Variants in KIAA0319L observed in about 807,000 individuals in gnomAD.
KIAA0319L encodes KIAA0319 like, also known as dyslexia-associated protein KIAA0319-like protein.
Under a neutral mutation model 120.1 loss-of-function variants are expected in KIAA0319L, and 55 were observed. The observed-to-expected ratio is 0.46, with a 90% confidence interval of 0.37 to 0.57. The LOEUF (loss-of-function observed/expected upper bound fraction) is 0.57. Among genes scored for constraint, KIAA0319L ranks in the 20% least tolerant of loss-of-function variants. The pLI, the probability that KIAA0319L is intolerant of heterozygous loss-of-function variation, is 0.00. For synonymous variants in KIAA0319L, 398 were observed against 471.9 expected, an observed-to-expected ratio of 0.84 and a Z score of 2.03; for missense variants, 1,049 against 1,255.3, an observed-to-expected ratio of 0.84 and a Z score of 2.48.
In KIAA0319L at chr1:35,504,833, C is replaced by A. The variant is rs564046327; in HGVS notation, c.666+1779G>T. ...GATAAAAACCAGTATTTTAATAAGGCCTCAAGGTTCTGCATACCTCTCAAG... is the reference window on the plus strand; with the variant it reads ...GATAAAAACCAGTATTTTAATAAGGACTCAAGGTTCTGCATACCTCTCAAG... On this transcript the variant is annotated intron_variant, in intron 3 of 20. Coordinates refer to ENST00000325722, the MANE Select transcript of KIAA0319L (RefSeq NM_024874.5). 9.2e-5 allele frequency among the ~76,000 whole-genome samples: 14 copies of A among 152,294 alleles called. 1 individual carries two copies. The South Asian group carries it at 2.7e-3, about 29-fold the overall frequency.
At chr1:35,443,705 T>C (rs921097832) in intron 17 of KIAA0319L, among the ~76,000 whole-genome samples, 3 of 151,234 alleles carry the variant, frequency 2.0e-5, no homozygotes, top group Admixed American at 6.6e-5. Flanking sequence ...AATAAATAAA[T>C]AAGCATTAAA....
At chr1:35,457,753 T>A (rs1642586895) in intron 9 of KIAA0319L, among the ~76,000 whole-genome samples, 1 of 152,330 alleles carries the variant, frequency 6.6e-6, no homozygotes, top group African/African-American at 2.4e-5. Context: ...GGTTTTATCC[T>A]GCAGTCTCAC....
At chr1:35,525,420 T>C (rs961679967) in intron 2 of KIAA0319L, among the ~76,000 whole-genome samples, 1 of 152,192 alleles carries the variant, frequency 6.6e-6, no homozygotes, top group African/African-American at 2.4e-5. Context: ...TTAAGAAATC[T>C]CCATACTGTT....
intron 3 of KIAA0319L, among the ~76,000 whole-genome samples, chr1:35,487,422 T>C (rs1167635003): frequency 1.3e-5 from 2 of 152,092 alleles, no homozygotes; most frequent in Non-Finnish European, 2.9e-5. Context: ...ACCGAGCTAA[T>C]TTTTGTATTT....
chr1:35,446,296 C>T, intron 16 of KIAA0319L, among the ~76,000 whole-genome samples: 1 of 152,176 alleles, frequency 6.6e-6, no homozygotes, highest in East Asian at 1.9e-4. Context: ...CCTATCTCCA[C>T]CATCTCCTTT....
At chr1:35,482,593 C>T (rs1473281655) in intron 3 of KIAA0319L, among the ~76,000 whole-genome samples, 1 of 152,064 alleles carries the variant, frequency 6.6e-6, no homozygotes, top group African/African-American at 2.4e-5. Flanking sequence ...CCACGCCCAG[C>T]TAGTTTTGTA....
chr1:35,493,984 C>T (rs1644700015), intron 3 of KIAA0319L, among the ~76,000 whole-genome samples: 1 of 136,432 alleles, frequency 7.3e-6, no homozygotes, highest in East Asian at 2.1e-4. Context: ...TATTATTAGG[C>T]TGTTGAGTTT....
At chr1:35,483,530 AC>A (rs1644254467) in intron 3 of KIAA0319L, among the ~76,000 whole-genome samples, 1 of 152,194 alleles carries the variant, frequency 6.6e-6, no homozygotes. Context: ...ACATCAATGG[AC>A]CATATAGGTG....
chr1:35,464,860 G>A (rs1024835947), intron 7 of KIAA0319L, among the ~76,000 whole-genome samples: 3 of 152,250 alleles, frequency 2.0e-5, no homozygotes, highest in Non-Finnish European at 4.4e-5. Flanking sequence ...AAGGGCCAAT[G>A]TAGAGCTCAG....
At chr1:35,513,512 G>A (rs1285679837) in intron 2 of KIAA0319L, among the ~76,000 whole-genome samples, 2 of 151,812 alleles carry the variant, frequency 1.3e-5, no homozygotes, top group East Asian at 1.9e-4. Context: ...AGCTACTCAG[G>A]AGGCTGACGC....
intron 7 of KIAA0319L, among the ~76,000 whole-genome samples, chr1:35,463,109 A>G (rs897601336): frequency 6.6e-6 from 1 of 152,200 alleles, no homozygotes; most frequent in East Asian, 1.9e-4. Flanking sequence ...TGTGCAGCCC[A>G]GTTCCTAACA....
At chr1:35,535,433 C>G (rs1026461787) in intron 2 of KIAA0319L, among the ~76,000 whole-genome samples, 1 of 152,138 alleles carries the variant, frequency 6.6e-6, no homozygotes, top group African/African-American at 2.4e-5. Context: ...CCCCAAAAAT[C>G]TGTGGTTAAA....
chr1:35,550,571 T>A (rs1441267872), intron 2 of KIAA0319L, among the ~76,000 whole-genome samples: 4 of 152,158 alleles, frequency 2.6e-5, no homozygotes, highest in Admixed American at 2.0e-4. Context: ...GTCAAAAAAA[T>A]ACATAAATAT....
rs200725762 is a variant in KIAA0319L at position 35,507,416 on chromosome 1, GAAAACAAAAACA to G, written c.143-293_143-282del. Among the ~76,000 whole-genome samples, 75 of 151,946 alleles carry G rather than the reference GAAAACAAAAACA, an allele frequency of 4.9e-4. No homozygotes were observed. In the Middle Eastern group the frequency reaches 0.01, roughly 21 times the overall value. ...ACACAGAATGTCACTTCATAAACAG[GAAAACAAAAACA>G]AAAACAAAAACAAAAAAAGAGGTAT... is the stretch of plus-strand genomic sequence containing the variant. On this transcript the variant is annotated intron_variant, in intron 2 of 20. Coordinates refer to ENST00000325722, the MANE Select transcript of KIAA0319L (RefSeq NM_024874.5).
At position 35,506,772 on chromosome 1, in the gene KIAA0319L, G is replaced by A. The variant is rs766401196; in HGVS notation, c.506C>T (p.Ala169Val). ...ASWRQSPPRAALRPAVSSSDQ... is the reference protein window; with the variant it reads ...ASWRQSPPRAVLRPAVSSSDQ... ...ACTGGAAGATACAGCAGGTCTGAGT[G>A]CAGCTCTGGGTGGGCTCTGCCTCCA... The change falls in exon 3 of 21, where the codon GCA becomes GTA. Residue 169 changes from alanine (A) to valine (V), a missense_variant. Transcript: ENST00000325722. The surrounding 1 kb of genome is among the most constrained non-coding windows in gnomAD (Gnocchi z 4.0). 6.2e-7 allele frequency: 1 copy of A among 1,614,234 alleles called. No homozygotes were observed. Among genetic ancestry groups the A allele is most frequent in the Non-Finnish European group, 8.5e-7 (1 of 1,180,044 alleles).
At chr1:35,449,763 A>AT in intron 15 of KIAA0319L, 104 bp downstream of exon 15, 1 of 1,256,084 alleles carries the variant, frequency 8.0e-7, no homozygotes, top group Non-Finnish European at 1.1e-6. Flanking sequence ...AAAGCTGGAC[A>AT]TGCCATCTGG....
intron 2 of KIAA0319L, among the ~76,000 whole-genome samples, chr1:35,529,733 T>A (rs1418347727): frequency 6.6e-6 from 1 of 152,224 alleles, no homozygotes; most frequent in East Asian, 1.9e-4. Flanking sequence ...TTGCTGTGTT[T>A]AGAATTCTTT....
At chr1:35,450,288 C>A in intron 14 of KIAA0319L, 70 bp downstream of exon 14, 2 of 1,475,518 alleles carry the variant, frequency 1.4e-6, no homozygotes, top group Admixed American at 1.9e-5. Flanking sequence ...TTGATTAAAG[C>A]ATATACTGGA....
At chr1:35,507,895 A>G (rs1161057353) in intron 2 of KIAA0319L, among the ~76,000 whole-genome samples, 1 of 152,222 alleles carries the variant, frequency 6.6e-6, no homozygotes, top group South Asian at 2.1e-4. Context: ...ATATGATCCA[A>G]AATTCTGGCT....
Sources: gnomAD v4.1 joint callset for allele counts (sites outside exome capture counted in the v4.1 genomes callset) on GRCh38, gnomAD v4.1.1 for gene constraint, Gnocchi (gnomAD v3.1) non-coding constraint, MANE v1.5 for transcripts, NCBI Gene and HGNC (gene_info 2026-07-23, HGNC 2026-07-21) for gene names.